MRPL43: variants seen among roughly 807,000 people sequenced by gnomAD.
The protein encoded by MRPL43 is mitochondrial ribosomal protein L43, also known as large ribosomal subunit protein mL43.
MRPL43 carries 9 observed loss-of-function variants against 12.7 expected under a neutral mutation model. That is an observed-to-expected ratio of 0.71 (90% CI 0.43 to 1.24). The LOEUF is 1.24. MRPL43 is among the 50% of genes most tolerant of loss of function. The probability of loss-of-function intolerance (pLI) is 0.00; values close to 1 mark genes in which losing one functional copy is unlikely to be tolerated. For missense variants in MRPL43, 211 were observed against 229.2 expected, an observed-to-expected ratio of 0.92 and a Z score of 0.51; for synonymous variants, 116 against 96.4, an observed-to-expected ratio of 1.20 and a Z score of -1.19.
chr10:100,984,830 C>T, downstream of MRPL43: 1 of 1,522,224 alleles, frequency 6.6e-7, no homozygotes, highest in Non-Finnish European at 8.8e-7. Context: ...CCCCTCCTCT[C>T]CCTTCCTGTG....
downstream of MRPL43, chr10:100,984,626 A>C (rs749061715): frequency 9.8e-5 from 150 of 1,536,174 alleles, no homozygotes; most frequent in Non-Finnish European, 1.2e-4. Context: ...ACATGGAAGA[A>C]TGTTTATCGG....
downstream of MRPL43, chr10:100,979,290 G>T (rs146501195): frequency 2.5e-6 from 4 of 1,614,016 alleles, no homozygotes; most frequent in African/African-American, 5.3e-5. Context: ...AGGGACAATC[G>T]GGAGGCAAGA....
chr10:100,984,624 G>T (rs1217004954), downstream of MRPL43: 14 of 1,536,194 alleles, frequency 9.1e-6, no homozygotes, highest in Non-Finnish European at 1.2e-5. Flanking sequence ...ACACATGGAA[G>T]AATGTTTATC....
chr10:100,981,182 A>T (rs764114736), downstream of MRPL43: 1 of 1,614,246 alleles, frequency 6.2e-7, no homozygotes, highest in Non-Finnish European at 8.5e-7. Context: ...GCACTGATAC[A>T]GGACATAGAG....
downstream of MRPL43, chr10:100,981,435 A>T (rs767671664): frequency 5.0e-6 from 8 of 1,613,948 alleles, no homozygotes; most frequent in Non-Finnish European, 5.9e-6. Context: ...CATATTTAAG[A>T]TGTGAAGTGT....
chr10:100,979,942 C>G (rs988692457), downstream of MRPL43: 3 of 1,614,060 alleles, frequency 1.9e-6, no homozygotes, highest in Non-Finnish European at 2.5e-6. Context: ...GGATGGTTCC[C>G]GGCGCTGGGG....
downstream of MRPL43, chr10:100,983,481 C>T: frequency 1.9e-6 from 3 of 1,614,212 alleles, no homozygotes; most frequent in Admixed American, 1.7e-5. Flanking sequence ...TACAGATGCA[C>T]AGCCTGAGCA....
In MRPL43 at chr10:100,987,482, A is replaced by G. The variant is rs952160888; in HGVS notation, c.-39T>C. ...AGGCCGCGGAGCCTAAGCAGCGAGGAGAGGGGGGCGGGACTAAACCTCGAG... is the reference window on the plus strand; with the variant it reads ...AGGCCGCGGAGCCTAAGCAGCGAGGGGAGGGGGGCGGGACTAAACCTCGAG... On this transcript the variant is annotated 5_prime_UTR_variant, in exon 1 of 3. Coordinates refer to ENST00000318364, the MANE Select transcript of MRPL43 (RefSeq NM_032112.3). 8 of 1,604,914 alleles carry G rather than the reference A, an allele frequency of 5.0e-6. No individual in the cohort carries two copies. The highest frequency in any genetic ancestry group is 1.3e-5 in the African/African-American group (1 of 74,804).
At chr10:100,987,282 G>A in intron 1 of MRPL43, 31 bp downstream of exon 1, 4 of 1,611,662 alleles carry the variant, frequency 2.5e-6, no homozygotes, top group South Asian at 1.1e-5. Context: ...CACCCACCCC[G>A]ACCCGCGCCT....
At chr10:100,979,200 G>A (rs1413942825), downstream of MRPL43, 4 of 1,614,146 alleles carry the variant, frequency 2.5e-6, no homozygotes, top group Middle Eastern at 1.6e-4. Context: ...CACTGCGTGG[G>A]GTCTGCAGCC....
chr10:100,983,362 C>T (rs1158667773), downstream of MRPL43: 1 of 1,604,550 alleles, frequency 6.2e-7, no homozygotes, highest in Non-Finnish European at 8.5e-7. Flanking sequence ...GTCCTCCTGC[C>T]CTGTGACCAG....
chr10:100,980,208 A>G (rs758828192), downstream of MRPL43: 1 of 1,614,234 alleles, frequency 6.2e-7, no homozygotes, highest in Admixed American at 1.7e-5. Flanking sequence ...AGTTGCACCC[A>G]CTGATGGCTC....
At position 100,986,845 on chromosome 10, in the gene MRPL43, G is replaced by A; in HGVS notation, c.369C>T (p.Asn123=). 1.2e-6 allele frequency: 2 copies of A among 1,613,890 alleles called. No homozygotes were observed. The highest frequency in any genetic ancestry group is 1.3e-5 in the African/African-American group (1 of 75,076). ...IRIRKPFHTD[N]PSIQGQWHPF... ...GGTGCCACTGGCCCTGGATGCTAGG[G>A]TTGTCGGTGTGGAAGGGCTTGCGGA... Residue 123 remains asparagine (N), a synonymous_variant, in exon 3 of 3, where the codon AAC becomes AAT. Coordinates refer to ENST00000318364, the MANE Select transcript of MRPL43 (RefSeq NM_032112.3).
chr10:100,983,660 C>T (rs147942823), downstream of MRPL43: 255 of 1,613,340 alleles, frequency 1.6e-4, no homozygotes, highest in Non-Finnish European at 2.1e-4. Context: ...TAGCCATTGC[C>T]GCGCTTGGTG....
At chr10:100,980,721 A>G (rs1295947882), downstream of MRPL43, 4 of 1,608,908 alleles carry the variant, frequency 2.5e-6, no homozygotes, top group East Asian at 6.7e-5. Context: ...CCCTTAATAT[A>G]GCCTTGCTGA....
chr10:100,986,746 C>T lies in MRPL43; in HGVS notation c.468G>A (p.Val156=), dbSNP rs2863095. The T allele has an allele frequency of 0.23, 374,466 of 1,613,614 alleles. 48,572 individuals carry two copies. The highest frequency in any genetic ancestry group is 0.55 in the East Asian group (24,688 of 44,842). ...REVQDPAPAQ[V]QAQ is the part of the protein sequence containing the mutation. The stretch of plus-strand genomic sequence containing the variant: ...GTGGGGCAACTCTTCACTGTGCTTG[C>T]ACCTGGGCTGGGGCAGGATCCTGAA... The change falls in exon 3 of 3, where the codon GTG becomes GTA. Residue 156 remains valine (V), a synonymous_variant. Coordinates refer to ENST00000318364, the MANE Select transcript of MRPL43 (RefSeq NM_032112.3).
chr10:100,983,456 G>A (rs1851228915), downstream of MRPL43: 1 of 1,614,138 alleles, frequency 6.2e-7, no homozygotes, highest in Middle Eastern at 1.6e-4. Flanking sequence ...GTGTGGGCGT[G>A]GACGGGCTGC....
Position 100,986,854 on chromosome 10 carries a change from G to GT in MRPL43, c.359dup (p.His120GlnfsTer6). Reference sequence around the variant, plus strand: ...GGCCCTGGATGCTAGGGTTGTCGGTGTGGAAGGGCTTGCGGATGCGGATCA... The same window carrying GT: ...GGCCCTGGATGCTAGGGTTGTCGGTGTTGGAAGGGCTTGCGGATGCGGATCA... On this transcript the variant is annotated frameshift_variant, in exon 3 of 3. Coordinates refer to ENST00000318364, the MANE Select transcript of MRPL43 (RefSeq NM_032112.3). LOFTEE classifies it high-confidence loss of function. 6.2e-7 allele frequency: 1 copy of GT among 1,613,814 alleles called. No homozygotes were observed. Among genetic ancestry groups the GT allele is most frequent in the South Asian group, 1.1e-5 (1 of 91,084 alleles).
Position 100,986,850 on chromosome 10 carries a change from C to CG in MRPL43, c.363dup (p.Asp122ArgfsTer4). 1 of 1,613,824 alleles carries CG rather than the reference C, an allele frequency of 6.2e-7. No individual in the cohort carries two copies. Among genetic ancestry groups the CG allele is most frequent in the Non-Finnish European group, 8.5e-7 (1 of 1,180,038 alleles). ...CACTGGCCCTGGATGCTAGGGTTGT[C>CG]GGTGTGGAAGGGCTTGCGGATGCGG... is the stretch of plus-strand genomic sequence containing the variant. On this transcript the variant is annotated frameshift_variant, in exon 3 of 3. Transcript: ENST00000318364. LOFTEE classifies it high-confidence loss of function.
Sources: gnomAD v4.1 joint callset for allele counts on GRCh38, gnomAD v4.1.1 for gene constraint, MANE v1.5 for transcripts, NCBI Gene and HGNC (gene_info 2026-07-23, HGNC 2026-07-21) for gene names.